APOB: variants seen among roughly 807,000 people sequenced by gnomAD.
APOB encodes apolipoprotein B-100.
Under a neutral mutation model 314.1 loss-of-function variants are expected in APOB, and 153 were observed. That is an observed-to-expected ratio of 0.49 (90% CI 0.43 to 0.56). The LOEUF (loss-of-function observed/expected upper bound fraction) is 0.56, where lower values mean the gene tolerates loss of function less well. APOB is among the 20% of genes least tolerant of loss of function. The pLI is 0.00. For synonymous variants in APOB, 2,087 were observed against 2,036.4 expected, an observed-to-expected ratio of 1.02 and a Z score of -0.67; for missense variants, 5,430 against 5,350.7, an observed-to-expected ratio of 1.01 and a Z score of -0.46.
In APOB at chr2:21,001,750, C is replaced by T. The variant is rs1662980631; in HGVS notation, c.13672G>A (p.Glu4558Lys). 1 of 1,613,896 alleles carries T rather than the reference C, an allele frequency of 6.2e-7. No individual in the cohort carries two copies. Among genetic ancestry groups the T allele is most frequent in the Non-Finnish European group, 8.5e-7 (1 of 1,179,912 alleles). ...AAAAATTAGAGGATGATAGTAAGTTCTCCTGGAGCAAGCTTCATGTAGGGG... is the reference window on the plus strand; with the variant it reads ...AAAAATTAGAGGATGATAGTAAGTTTTCCTGGAGCAAGCTTCATGTAGGGG... ...MNPYMKLAPG[E>K]LTIIL Residue 4558 changes from glutamate to lysine, a missense_variant, in exon 29 of 29, where the codon GAA becomes AAA. Coordinates refer to ENST00000233242, the MANE Select transcript of APOB (RefSeq NM_000384.3).
Position 21,037,977 on chromosome 2 carries a change from GCTT to G in APOB, c.515_517del (p.Glu172del). The G allele has an allele frequency of 1.2e-6, 2 of 1,614,160 alleles. No homozygotes were observed. The highest frequency in any genetic ancestry group is 1.7e-6 in the Non-Finnish European group (2 of 1,180,044). On this transcript the variant is annotated inframe_deletion, in exon 5 of 29. Transcript: ENST00000233242. Reference sequence around the variant, plus strand: ...CCTCACCAGAAACAACACTTGCTTGGCTTCTTCTGTCTCTGGGGGAACCAGGAG... The same window carrying G: ...CCTCACCAGAAACAACACTTGCTTGGCTTCTGTCTCTGGGGGAACCAGGAG...
intron 3 of APOB, among the ~76,000 whole-genome samples, chr2:21,041,655 G>A (rs937905510): frequency 1.2e-4 from 18 of 152,346 alleles, no homozygotes; most frequent in Admixed American, 1.1e-3. Flanking sequence ...AGCCAGGGTG[G>A]CTGTTGAGCA....
chr2:21,027,059 A>G (rs1259072221), intron 14 of APOB, 95 bp from the exon 15 acceptor site: 2 of 1,149,058 alleles, frequency 1.7e-6, no homozygotes, highest in Non-Finnish European at 2.6e-6. Context: ...TATCTAAACA[A>G]GTATTTGAAT....
chr2:21,027,978 G>A lies in APOB; in HGVS notation c.1917C>T (p.Leu639=), dbSNP rs763092483. The change falls in exon 14 of 29, where the codon CTC becomes CTT. Residue 639 remains leucine (L), a synonymous_variant. Transcript: ENST00000233242. The part of the protein sequence containing the change: ...DFRKFSRNYQ[L]YKSVSLPSLD... ...GTGATGGAAGAGAAACAGATTTGTAGAGTTGATAGTTCCGAGAGAATTTTC... is the reference window on the plus strand; with the variant it reads ...GTGATGGAAGAGAAACAGATTTGTAAAGTTGATAGTTCCGAGAGAATTTTC... The A allele has an allele frequency of 8.1e-6, 13 of 1,614,122 alleles. No homozygotes were observed. In the South Asian group the frequency reaches 1.4e-4, roughly 18 times the overall value.
Position 21,002,644 on chromosome 2 carries a change from G to A in APOB, c.12778C>T (p.His4260Tyr). The part of the protein sequence containing the change: ...VITLPFELRK[H>Y]KLIDVISMYR... ...ATCGAGATTACATCTATTAGTTTAT[G>A]TTTCCTTAACTCGAAAGGAAGTGTA... Residue 4260 changes from histidine (H) to tyrosine (Y), a missense_variant, in exon 29 of 29, where the codon CAT becomes TAT. This residue lies in a region of APOB where 3,281 missense variants were observed against 3,171.0 expected (regional missense o/e 1.03). Transcript: ENST00000233242. The A allele has an allele frequency of 6.2e-7, 1 of 1,613,732 alleles. No individual in the cohort carries two copies. Among genetic ancestry groups the A allele is most frequent in the Non-Finnish European group, 8.5e-7 (1 of 1,179,826 alleles).
In APOB at chr2:21,007,485, A is replaced by G. The variant is rs1572779900; in HGVS notation, c.9383T>C (p.Ile3128Thr). The change falls in exon 26 of 29, where the codon ATT (isoleucine) becomes ACT (threonine). Residue 3128 changes from isoleucine (I) to threonine (T), a missense_variant. Ile to Thr is a moderately conservative substitution (Grantham distance 89). Around this residue, in one of 3 missense-constraint regions of APOB, gnomAD observed 3,281 missense variants for 3,171.0 expected, o/e 1.03. Transcript: ENST00000233242. ...NGEANLDFLN[I>T]PLTIPEMRLP... ...ACGCATTTCAGGAATTGTTAAAGGA[A>G]TGTTTAAGAAATCCAGATTTGCTTC... 2 of 1,614,110 alleles carry G rather than the reference A, an allele frequency of 1.2e-6. No individual in the cohort carries two copies. The highest frequency in any genetic ancestry group is 8.5e-7 in the Non-Finnish European group (1 of 1,179,978).
At position 21,010,986 on chromosome 2, in the gene APOB, C is replaced by A. The variant is rs974524838; in HGVS notation, c.5882G>T (p.Ser1961Ile). The change falls in exon 26 of 29, where the codon AGT (serine) becomes ATT (isoleucine). Residue 1961 changes from serine to isoleucine, a missense_variant. Around this residue, in one of 3 missense-constraint regions of APOB, gnomAD observed 3,281 missense variants for 3,171.0 expected, o/e 1.03. Coordinates refer to ENST00000233242, the MANE Select transcript of APOB (RefSeq NM_000384.3). ...ACTGACTTTGTGTTCAAGAGCTGCA[C>A]TGATGCTTTTCCTAGACACGAGATG... ...SHHLVSRKSISAALEHKVSAL... is the reference protein window; with the variant it reads ...SHHLVSRKSIIAALEHKVSAL... 1 of 1,614,168 alleles carries A rather than the reference C, an allele frequency of 6.2e-7. No individual in the cohort carries two copies. The highest frequency in any genetic ancestry group is 2.2e-5 in the East Asian group (1 of 44,886).
chr2:21,025,049 T>C lies in APOB; in HGVS notation c.2320A>G (p.Arg774Gly), dbSNP rs1213545433. 2 of 1,614,270 alleles carry C rather than the reference T, an allele frequency of 1.2e-6. No individual in the cohort carries two copies. Among genetic ancestry groups the C allele is most frequent in the Admixed American group, 1.7e-5 (1 of 60,032 alleles). The change falls in exon 16 of 29, where the codon AGA (arginine) becomes GGA (glycine). Residue 774 changes from arginine (R) to glycine (G), a missense_variant. By Grantham distance (125) the Arg-to-Gly change is moderately radical (BLOSUM62 -2). Transcript: ENST00000233242. Reference sequence around the variant, plus strand: ...TCTCCCAAGATGCGGAGGTAGGCTCTGGCTTCCGGGACTTCTTTGGATTTC... The same window carrying C: ...TCTCCCAAGATGCGGAGGTAGGCTCCGGCTTCCGGGACTTCTTTGGATTTC... Reference protein sequence around the residue: ...DLKSKEVPEARAYLRILGEEL... With the variant: ...DLKSKEVPEAGAYLRILGEEL...
chr2:21,029,508 GA>G (rs1663824450), intron 12 of APOB, 130 bp downstream of exon 12: 1 of 1,034,876 alleles, frequency 9.7e-7, no homozygotes, highest in South Asian at 1.3e-5. Flanking sequence ...AGGAAGGAAG[GA>G]AGGAAGGAAG....
rs1558563176 is a variant in APOB at position 21,008,912 on chromosome 2, G to A, written c.7956C>T (p.Ile2652=). The A allele has an allele frequency of 6.2e-7, 1 of 1,614,068 alleles. No individual in the cohort carries two copies. The highest frequency in any genetic ancestry group is 2.2e-5 in the East Asian group (1 of 44,878). ...AGGAAGGAATGTGGAAGGTGTTAAG[G>A]ATGGTAAATTCTGGTGTGGAAAACC... ...PSRFSTPEFT[I]LNTFHIPSFT... The change falls in exon 26 of 29, where the codon ATC becomes ATT. Residue 2652 remains isoleucine (I), a synonymous_variant. Transcript: ENST00000233242.
rs1663021591 is a variant in APOB, at chr2:21,002,666, T to C, written c.12756A>G (p.Thr4252=). The stretch of plus-strand genomic sequence containing the variant: ...TATGTTTCCTTAACTCGAAAGGAAG[T>C]GTAATCACTAGGTCTTGGAAATAGG... ...LFSYFQDLVI[T]LPFELRKHKL... is the part of the protein sequence containing the mutation. The change falls in exon 29 of 29, where the codon ACA becomes ACG. Residue 4252 remains threonine (T), a synonymous_variant. Coordinates refer to ENST00000233242, the MANE Select transcript of APOB (RefSeq NM_000384.3). 6.2e-7 allele frequency: 1 copy of C among 1,613,826 alleles called. No individual in the cohort carries two copies. Among genetic ancestry groups the C allele is most frequent in the Non-Finnish European group, 8.5e-7 (1 of 1,179,860 alleles).
In APOB at chr2:21,044,003, G is replaced by A; in HGVS notation, c.-58C>T. 1 of 937,246 alleles carries A rather than the reference G, an allele frequency of 1.1e-6. No homozygotes were observed. Among genetic ancestry groups the A allele is most frequent in the East Asian group, 3.7e-5 (1 of 27,346 alleles). 58.1% of individuals were successfully genotyped at this position (937,246 alleles called of 1,614,324 possible). A position where few individuals can be genotyped will look rare whatever the true frequency, so the allele number is the denominator to read the frequency against. On this transcript the variant is annotated 5_prime_UTR_variant, in exon 1 of 29. Transcript: ENST00000233242. ...GGCCTGGCCTCGGCCTCGCGGCCCT[G>A]GCTGGCTGGGCGGGCTCCTCAGCGG... is the stretch of plus-strand genomic sequence containing the variant.
chr2:21,012,457 A>C lies in APOB; in HGVS notation c.4411T>G (p.Leu1471Val), dbSNP rs542169352. The change falls in exon 26 of 29, where the codon TTG becomes GTG. Residue 1471 changes from leucine (L) to valine (V), a missense_variant. Physicochemically the swap from Leu to Val is conservative, Grantham distance 32. Transcript: ENST00000233242. ...AAATGCTGTTTCTTTTTGGAGTCCA[A>C]ATGAACTGAAGCAGACATCTGTGGT... ...WGPQMSASVH[L>V]DSKKKQHLFV... 1 of 1,614,170 alleles carries C rather than the reference A, an allele frequency of 6.2e-7. No homozygotes were observed.
intron 4 of APOB, among the ~76,000 whole-genome samples, chr2:21,038,744 G>C (rs1572802728): frequency 6.6e-6 from 1 of 152,186 alleles, no homozygotes; most frequent in African/African-American, 2.4e-5. Context: ...TGTTCCATTT[G>C]TTTCTGCACA....
chr2:21,006,701 T>C lies in APOB; in HGVS notation c.10167A>G (p.Arg3389=), dbSNP rs751548266. 3.7e-6 allele frequency: 6 copies of C among 1,613,972 alleles called. No homozygotes were observed. The African/African-American group carries it at 6.7e-5, about 18-fold the overall frequency. ...YKLEGTTRLT[R]KRGLKLATAL... ...CTGTGGCTAACTTCAATCCCCTTTT[T>C]CTTGTCAATCTTGTGGTGCCCTCTA... The change falls in exon 26 of 29, where the codon AGA becomes AGG. Residue 3389 remains arginine (R), a synonymous_variant. Transcript: ENST00000233242.
chr2:21,022,270 T>A (rs1422384757), intron 18 of APOB, among the ~76,000 whole-genome samples: 1 of 152,176 alleles, frequency 6.6e-6, no homozygotes, highest in Admixed American at 6.5e-5. Context: ...GGCTGGCCAA[T>A]TAAATATTAT....
chr2:21,002,792 T>C lies in APOB; in HGVS notation c.12630A>G (p.Ile4210Met), dbSNP rs1196238912. ...PRFQFPGKPG[I>M]YTREELCTMF... ...TAGTGCAAAGTTCCTCCCTAGTGTA[T>C]ATCCCAGGTTTCCCCGGAAACTGGA... Residue 4210 changes from isoleucine (I) to methionine (M), a missense_variant, in exon 29 of 29, where the codon ATA becomes ATG. Coordinates refer to ENST00000233242, the MANE Select transcript of APOB (RefSeq NM_000384.3). 1.2e-6 allele frequency: 2 copies of C among 1,609,924 alleles called. No individual in the cohort carries two copies. Among genetic ancestry groups the C allele is most frequent in the African/African-American group, 1.3e-5 (1 of 74,874 alleles).
At chr2:21,025,973 G>C (rs1024513571) in intron 15 of APOB, among the ~76,000 whole-genome samples, 1 of 152,290 alleles carries the variant, frequency 6.6e-6, no homozygotes, top group East Asian at 1.9e-4. Context: ...GCACTGATGG[G>C]AGTGAGAGCC....
chr2:21,038,347 C>A (rs1268585907), intron 4 of APOB, among the ~76,000 whole-genome samples: 1 of 146,986 alleles, frequency 6.8e-6, no homozygotes, highest in Admixed American at 6.8e-5. Flanking sequence ...TTTTCTTTTT[C>A]TTTTTTTGAA....
Sources: gnomAD v4.1 joint callset for allele counts (sites outside exome capture counted in the v4.1 genomes callset) on GRCh38, gnomAD v4.1.1 for gene constraint, gnomAD v4.1.1 regional missense constraint, MANE v1.5 for transcripts, NCBI Gene and HGNC (gene_info 2026-07-23, HGNC 2026-07-21) for gene names.